ZDHHC15: variants seen among roughly 807,000 people sequenced by gnomAD.
The protein encoded by ZDHHC15 is palmitoyltransferase ZDHHC15.
ZDHHC15 carries 19 observed loss-of-function variants against 31.7 expected under a neutral mutation model. The observed-to-expected ratio is 0.60, with a 90% CI of 0.42 to 0.88. The LOEUF is 0.88. Among genes scored for constraint, ZDHHC15 ranks in the 40% least tolerant of loss-of-function variants. ZDHHC15 has a pLI of 0.00. For missense variants in ZDHHC15, 209 were observed against 251.2 expected, an observed-to-expected ratio of 0.83 and a Z score of 1.14; for synonymous variants, 103 against 90.0, an observed-to-expected ratio of 1.14 and a Z score of -0.82.
chrX:75,458,793 T>C (rs184057641), intron 3 of ZDHHC15, among the ~76,000 whole-genome samples: 11 of 109,293 alleles, frequency 1.0e-4, no homozygotes, highest in African/African-American at 3.3e-4. Context: ...ATAGGTGGTA[T>C]GGGAGGGGCC....
intron 10 of ZDHHC15, among the ~76,000 whole-genome samples, chrX:75,407,558 GC>G (rs1271113602): frequency 9.1e-6 from 1 of 109,995 alleles, no homozygotes; most frequent in Non-Finnish European, 1.9e-5. Flanking sequence ...GTGGGGGGCA[GC>G]CCCCGCCCGG....
intron 2 of ZDHHC15, among the ~76,000 whole-genome samples, chrX:75,495,431 G>T (rs1364393258): frequency 1.8e-5 from 2 of 111,115 alleles, no homozygotes; most frequent in East Asian, 2.8e-4. Context: ...CCATTACTGG[G>T]TATATACCCA....
intron 4 of ZDHHC15, among the ~76,000 whole-genome samples, chrX:75,434,533 A>G (rs1384579435): frequency 8.9e-6 from 1 of 112,094 alleles, no homozygotes; most frequent in East Asian, 2.8e-4. Flanking sequence ...ATAAATGAGG[A>G]TCCAGTTTCA....
chrX:75,404,966 T>A (rs1417173782), intron 10 of ZDHHC15, among the ~76,000 whole-genome samples: 3 of 111,882 alleles, frequency 2.7e-5, no homozygotes, highest in Non-Finnish European at 3.8e-5. Context: ...AGCAAAGATG[T>A]GGAATCAACC....
At chrX:75,435,390 T>G (rs961378275) in intron 4 of ZDHHC15, among the ~76,000 whole-genome samples, 1 of 111,782 alleles carries the variant, frequency 8.9e-6, no homozygotes, top group African/African-American at 3.3e-5. Flanking sequence ...TGAATAGAAA[T>G]GGTGAAAGTG....
rs754812856 is a variant in ZDHHC15 at position 75,522,951 on chromosome X, A to G, written c.74T>C (p.Val25Ala). ...GAGCACGACGAGGACAATAACGAGCACTGGCACCCAGGACAGTACCCGGCG... is the reference window on the plus strand; with the variant it reads ...GAGCACGACGAGGACAATAACGAGCGCTGGCACCCAGGACAGTACCCGGCG... ...CCRRVLSWVP[V>A]LVIVLVVLWS... Residue 25 changes from valine (V) to alanine (A), a missense_variant, in exon 1 of 12, where the codon GTG (valine) becomes GCG (alanine). Physicochemically the swap from Val to Ala is moderately conservative, Grantham distance 64. Transcript: ENST00000373367. 6.6e-6 allele frequency: 8 copies of G among 1,211,835 alleles called. No homozygotes were observed. The highest frequency in any genetic ancestry group is 8.9e-6 in the Non-Finnish European group (8 of 895,477).
chrX:75,444,638 C>CTG (rs1197882991), intron 4 of ZDHHC15, among the ~76,000 whole-genome samples: 63 of 24,298 alleles, frequency 2.6e-3, no homozygotes, highest in African/African-American at 8.7e-3. Context: ...AAAAGCAACA[C>CTG]TGTATATATA....
chrX:75,472,925 A>G (rs1456512047), intron 3 of ZDHHC15, among the ~76,000 whole-genome samples: 3 of 112,376 alleles, frequency 2.7e-5, no homozygotes, highest in Non-Finnish European at 5.6e-5. Context: ...GGTTGATTAT[A>G]CTGGACTTCA....
chrX:75,450,576 T>C (rs964575447), intron 4 of ZDHHC15: 7 of 598,943 alleles, frequency 1.2e-5, no homozygotes, highest in Non-Finnish European at 1.7e-5. Flanking sequence ...CACAGAAAAA[T>C]GTTAGCAGAA....
At chrX:75,477,314 G>A (rs192678575) in intron 3 of ZDHHC15, among the ~76,000 whole-genome samples, 24 of 111,334 alleles carry the variant, frequency 2.2e-4, no homozygotes, top group African/African-American at 6.5e-4. Context: ...CGTACACTTA[G>A]GAAGAAAGTA....
chrX:75,421,760 T>C (rs907490161), intron 9 of ZDHHC15, 104 bp downstream of exon 9: 1 of 886,525 alleles, frequency 1.1e-6, no homozygotes, highest in African/African-American at 2.1e-5. Flanking sequence ...GGGAATAGAG[T>C]TTCACACTGG....
chrX:75,444,687 T>TACACACAC (rs1172357698), intron 4 of ZDHHC15, among the ~76,000 whole-genome samples: 371 of 29,397 alleles, frequency 0.013, 58 homozygotes, highest in Non-Finnish European at 0.014. Context: ...TATATATATA[T>TACACACAC]ACACACACAC....
chrX:75,432,325 A>G (rs2083790124), intron 4 of ZDHHC15, among the ~76,000 whole-genome samples: 1 of 111,755 alleles, frequency 8.9e-6, no homozygotes, highest in South Asian at 3.8e-4. Context: ...AAGTATAAAA[A>G]CTAAAATGAT....
intron 1 of ZDHHC15, among the ~76,000 whole-genome samples, chrX:75,508,632 A>G (rs969455246): frequency 2.7e-5 from 3 of 110,233 alleles, no homozygotes; most frequent in Admixed American, 9.7e-5. Flanking sequence ...CTTTATAGTA[A>G]CATGATTTAT....
At chrX:75,468,021 G>T (rs1027227998) in intron 3 of ZDHHC15, among the ~76,000 whole-genome samples, 12 of 104,180 alleles carry the variant, frequency 1.2e-4, no homozygotes, top group Admixed American at 4.4e-4. Flanking sequence ...TTCAGTGTCT[G>T]GTGTCTTTCA....
chrX:75,467,557 T>C (rs1214034274), intron 3 of ZDHHC15, among the ~76,000 whole-genome samples: 1 of 112,235 alleles, frequency 8.9e-6, no homozygotes, highest in East Asian at 2.8e-4. Context: ...ATTGGCCCAA[T>C]GTACTCTCCT....
chrX:75,434,841 ATTT>A (rs2083829299), intron 4 of ZDHHC15, among the ~76,000 whole-genome samples: 1 of 111,897 alleles, frequency 8.9e-6, no homozygotes, highest in South Asian at 3.7e-4. Flanking sequence ...TTTCACATGA[ATTT>A]TAGAATTGTT....
intron 3 of ZDHHC15, among the ~76,000 whole-genome samples, chrX:75,454,029 T>A (rs763061419): frequency 9.0e-6 from 1 of 111,521 alleles, no homozygotes; most frequent in African/African-American, 3.3e-5. Context: ...ATATTGGAAG[T>A]TCTGGCCAGG....
At chrX:75,459,425 G>T (rs964841800) in intron 3 of ZDHHC15, among the ~76,000 whole-genome samples, 3 of 111,545 alleles carry the variant, frequency 2.7e-5, no homozygotes, top group African/African-American at 9.8e-5. Flanking sequence ...CTGTGGGGAG[G>T]GGTGGCTGCC....
Sources: allele counts gnomAD v4.1 joint callset (sites outside exome capture counted in the v4.1 genomes callset), GRCh38; gene constraint gnomAD v4.1.1; transcripts MANE v1.5; gene names NCBI Gene and HGNC (gene_info 2026-07-23, HGNC 2026-07-21).